Variants in CYB561D2 observed in about 807,000 individuals in gnomAD.
CYB561D2 encodes cytochrome b561 family member D2.
CYB561D2 carries 16 observed loss-of-function variants against 20.2 expected under a neutral mutation model. That is an observed-to-expected ratio of 0.79 (90% CI 0.53 to 1.20). The LOEUF (loss-of-function observed/expected upper bound fraction) is 1.20, where lower values mean the gene tolerates loss of function less well. CYB561D2 is among the 50% of genes most tolerant of loss of function. The pLI is 0.00. For synonymous variants in CYB561D2, 135 were observed against 128.3 expected (o/e 1.05, Z -0.35); for missense variants, 247 against 270.3 (o/e 0.91, Z 0.60).
chr3:50,353,763 G>T lies in CYB561D2; in HGVS notation c.*19G>T. The T allele has an allele frequency of 6.4e-7, 1 of 1,569,478 alleles. No homozygotes were observed. On this transcript the variant is annotated 3_prime_UTR_variant, in exon 4 of 4. Transcript: ENST00000425346. Reference sequence around the variant, plus strand: ...ACCATGAGCTCTTCCCAGCCTAGGGGAAGCCTGGATTTGCCCCTCCATGTA... The same window carrying T: ...ACCATGAGCTCTTCCCAGCCTAGGGTAAGCCTGGATTTGCCCCTCCATGTA...
At chr3:50,351,981 C>G (rs767643494) in intron 2 of CYB561D2, 28 bp from the exon 3 acceptor site, 36 of 1,613,602 alleles carry the variant, frequency 2.2e-5, no homozygotes, top group Non-Finnish European at 2.7e-5. Context: ...TTGCCTCAGC[C>G]CCATGAGGCC....
In CYB561D2 at chr3:50,353,644, C is replaced by T. The variant is rs587725716; in HGVS notation, c.569C>T (p.Ala190Val). The T allele has an allele frequency of 5.8e-5, 93 of 1,613,668 alleles. 1 individual carries two copies. The South Asian group carries it at 9.6e-4, about 17-fold the overall frequency. The change falls in exon 4 of 4, where the codon GCA becomes GTA. Residue 190 changes from alanine (A) to valine (V), a missense_variant. Coordinates refer to ENST00000425346, the MANE Select transcript of CYB561D2 (RefSeq NM_001291284.2). The stretch of plus-strand genomic sequence containing the variant: ...TGGTTCACTGCCTCTGTCACTGGTG[C>T]AGCCTGGTACCTGGCTGTATTATGC... ...SLWFTASVTGAAWYLAVLCPV... is the reference protein window; with the variant it reads ...SLWFTASVTGVAWYLAVLCPV...
At position 50,354,057 on chromosome 3, in the gene CYB561D2, A is replaced by G. The variant is rs1178611886; in HGVS notation, c.*313A>G. On this transcript the variant is annotated 3_prime_UTR_variant, in exon 4 of 4. Transcript: ENST00000425346. ...AATTTTAGGAGAGAAAAAAGTAAAA[A>G]ATTTGTAAAAAATGACTGAAAAGAT... is the stretch of plus-strand genomic sequence containing the variant. 7.7e-6 allele frequency: 2 copies of G among 258,548 alleles called. No homozygotes were observed. The highest frequency in any genetic ancestry group is 1.5e-4 in the East Asian group (2 of 13,528). The allele number at this position is 258,548 out of a possible 1,614,324, so 16.0% of individuals were successfully genotyped here. A position where few individuals can be genotyped will look rare whatever the true frequency, so the allele number is the denominator to read the frequency against.
chr3:50,351,030 A>G lies in CYB561D2; in HGVS notation c.-26+46A>G, dbSNP rs587685710. ...GGCAGCATGCTGGCAGCACTTGGGG[A>G]GGCGGTGCGCTAAGGGATTCACGCT... On this transcript the variant is annotated intron_variant, in intron 1 of 3. Transcript: ENST00000425346. The G allele has an allele frequency of 2.3e-3, 1,521 of 649,336 alleles. 1 individual carries two copies. The highest frequency in any genetic ancestry group is 5.1e-3 in the Admixed American group (122 of 23,776). 40.2% of individuals were successfully genotyped at this position (649,336 alleles called of 1,614,324 possible). A position where few individuals can be genotyped will look rare whatever the true frequency, so the allele number is the denominator to read the frequency against.
intron 1 of CYB561D2, 44 bp from the exon 2 acceptor site, chr3:50,351,365 A>T (rs777289553): frequency 1.6e-5 from 25 of 1,578,620 alleles, no homozygotes; most frequent in Non-Finnish European, 1.9e-5. Flanking sequence ...TGAGGAGTGA[A>T]CAGTGGGCAC....
chr3:50,351,768 CAGG>C (rs1402156922), intron 2 of CYB561D2, among the ~76,000 whole-genome samples: 2 of 152,286 alleles, frequency 1.3e-5, no homozygotes, highest in Admixed American at 1.3e-4. Flanking sequence ...GGCTGCCTCT[CAGG>C]AGGTGTAAGG....
chr3:50,352,415 G>C (rs1703788273), intron 3 of CYB561D2, among the ~76,000 whole-genome samples: 1 of 151,432 alleles, frequency 6.6e-6, no homozygotes, highest in African/African-American at 2.4e-5. Context: ...AGGAGACGGA[G>C]GTTGCAGTGA....
At chr3:50,352,790 C>T (rs936564855) in intron 3 of CYB561D2, among the ~76,000 whole-genome samples, 1 of 152,106 alleles carries the variant, frequency 6.6e-6, no homozygotes, top group African/African-American at 2.4e-5. Flanking sequence ...CTTCACCCAC[C>T]TCTAGGCAGA....
chr3:50,352,162 C>A, intron 3 of CYB561D2, 116 bp downstream of exon 3: 1 of 1,214,466 alleles, frequency 8.2e-7, no homozygotes, highest in Non-Finnish European at 1.2e-6. Context: ...TTGCATGCTC[C>A]AACTACTCCT....
In CYB561D2 at chr3:50,353,713, C is replaced by T; in HGVS notation, c.638C>T (p.Ala213Val). The T allele has an allele frequency of 1.2e-6, 2 of 1,607,320 alleles. No homozygotes were observed. The highest frequency in any genetic ancestry group is 1.7e-6 in the Non-Finnish European group (2 of 1,176,156). ...GTCATTATGAACCAGGTGAGCAATG[C>T]CTACCTATACCGCAAGAGGATCCAA... The part of the protein sequence containing the change: ...SLVIMNQVSN[A>V]YLYRKRIQP The change falls in exon 4 of 4, where the codon GCC becomes GTC. Residue 213 changes from alanine to valine, a missense_variant. Coordinates refer to ENST00000425346, the MANE Select transcript of CYB561D2 (RefSeq NM_001291284.2).
chr3:50,350,888 C>G lies in CYB561D2; in HGVS notation c.-122C>G. 7.1e-7 allele frequency: 1 copy of G among 1,400,370 alleles called. No individual in the cohort carries two copies. The highest frequency in any genetic ancestry group is 9.2e-7 in the Non-Finnish European group (1 of 1,083,250). The allele number at this position is 1,400,370 out of a possible 1,614,324, so 86.7% of individuals were successfully genotyped here. A position where few individuals can be genotyped will look rare whatever the true frequency, so the allele number is the denominator to read the frequency against. ...GACGTCGCACCCGGAAGTAAAGCGG[C>G]TCCGTGACGGAGCGGCGGTGCGCGC... On this transcript the variant is annotated 5_prime_UTR_variant, in exon 1 of 4. Transcript: ENST00000425346. The surrounding 1 kb of genome is among the most constrained non-coding windows in gnomAD (Gnocchi z 5.7).
chr3:50,351,474 C>T lies in CYB561D2; in HGVS notation c.41C>T (p.Ala14Val). 1 of 1,613,826 alleles carries T rather than the reference C, an allele frequency of 6.2e-7. No individual in the cohort carries two copies. The highest frequency in any genetic ancestry group is 8.5e-7 in the Non-Finnish European group (1 of 1,180,000). ...GAGACCGAGTCACACATCTACCGAG[C>T]TCTGCGTACTGCTTCTGGCGCTGCC... is the stretch of plus-strand genomic sequence containing the variant. ...SAETESHIYR[A>V]LRTASGAAAH... Residue 14 changes from alanine to valine, a missense_variant, in exon 2 of 4, where the codon GCT becomes GTT. Coordinates refer to ENST00000425346, the MANE Select transcript of CYB561D2 (RefSeq NM_001291284.2).
chr3:50,352,667 C>G (rs1446581734), intron 3 of CYB561D2, among the ~76,000 whole-genome samples: 1 of 116,322 alleles, frequency 8.6e-6, no homozygotes. Flanking sequence ...GCCTGGGTGA[C>G]AGAGAGAGAC....
At chr3:50,351,290 C>T in intron 1 of CYB561D2, 119 bp from the exon 2 acceptor site, 1 of 1,151,912 alleles carries the variant, frequency 8.7e-7, no homozygotes, top group South Asian at 1.6e-5. Flanking sequence ...GGTCTTGGTA[C>T]TGTTCTTTCC....
chr3:50,351,370 G>A (rs1703753891), intron 1 of CYB561D2, 39 bp from the exon 2 acceptor site: 1 of 1,583,370 alleles, frequency 6.3e-7, no homozygotes, highest in African/African-American at 1.3e-5. Flanking sequence ...AGTGAACAGT[G>A]GGCACCTGAG....
chr3:50,353,323 C>T lies in CYB561D2; in HGVS notation c.248C>T (p.Ala83Val). 6.2e-7 allele frequency: 1 copy of T among 1,610,318 alleles called. No homozygotes were observed. The change falls in exon 4 of 4, where the codon GCA (alanine) becomes GTA (valine). Residue 83 changes from alanine to valine, a missense_variant. Ala to Val is a moderately conservative substitution (Grantham distance 64, BLOSUM62 0). Transcript: ENST00000425346. ...CACTCCCTCTCACGGAAAGGCCGAG[C>T]ACGCTGCCACTGGGTGCTGCAGCTG... Reference protein sequence around the residue: ...LLHSLSRKGRARCHWVLQLLA... With the variant: ...LLHSLSRKGRVRCHWVLQLLA...
At chr3:50,351,681 A>G (rs1703767676) in intron 2 of CYB561D2, 121 bp downstream of exon 2, 1 of 1,381,834 alleles carries the variant, frequency 7.2e-7, no homozygotes, top group Non-Finnish European at 9.8e-7. Context: ...TGGAGCGATG[A>G]GTGAGGTGGA....
Position 50,353,741 on chromosome 3 carries a change from A to C in CYB561D2, c.666A>C (p.Pro222=). 1 of 1,591,498 alleles carries C rather than the reference A, an allele frequency of 6.3e-7. No homozygotes were observed. The highest frequency in any genetic ancestry group is 8.6e-7 in the Non-Finnish European group (1 of 1,165,582). ...NAYLYRKRIQ[P] ...ACCTATACCGCAAGAGGATCCAACC[A>C]TGAGCTCTTCCCAGCCTAGGGGAAG... Residue 222 remains proline, a synonymous_variant, in exon 4 of 4, where the codon CCA becomes CCC. Transcript: ENST00000425346.
chr3:50,354,003 G>C lies in CYB561D2; in HGVS notation c.*259G>C, dbSNP rs1703829347. ...GCTGCAAGACTGCCTCTCCTGCAAG[G>C]CAGCTCATACTTGTACTGTATGTTC... On this transcript the variant is annotated 3_prime_UTR_variant, in exon 4 of 4. Coordinates refer to ENST00000425346, the MANE Select transcript of CYB561D2 (RefSeq NM_001291284.2). 2.0e-6 allele frequency: 1 copy of C among 503,222 alleles called. No homozygotes were observed. The highest frequency in any genetic ancestry group is 1.9e-5 in the African/African-American group (1 of 52,532). 31.2% of individuals were successfully genotyped at this position (503,222 alleles called of 1,614,324 possible).
Sources: gnomAD v4.1 joint callset for allele counts (sites outside exome capture counted in the v4.1 genomes callset) on GRCh38, gnomAD v4.1.1 for gene constraint, Gnocchi (gnomAD v3.1) non-coding constraint, MANE v1.5 for transcripts, NCBI Gene and HGNC (gene_info 2026-07-23, HGNC 2026-07-21) for gene names.